Variants in PCDHGA8 observed in about 807,000 individuals in gnomAD.
The protein encoded by PCDHGA8 is protocadherin gamma subfamily A, 8.
A neutral mutation model predicts 59.2 loss-of-function variants in PCDHGA8; 45 were observed. That is an observed-to-expected ratio of 0.76 (90% CI 0.60 to 0.98). The LOEUF is 0.98. Among genes scored for constraint, PCDHGA8 ranks in the 50% least tolerant of loss-of-function variants. PCDHGA8 has a pLI of 0.00. For synonymous variants in PCDHGA8, 531 were observed against 519.0 expected, an observed-to-expected ratio of 1.02 and a Z score of -0.32; for missense variants, 1,257 against 1,196.2, an observed-to-expected ratio of 1.05 and a Z score of -0.75.
intron 1 of PCDHGA8, 53 bp downstream of exon 1, chr5:141,395,290 T>A: frequency 6.5e-7 from 1 of 1,529,840 alleles, no homozygotes; most frequent in Non-Finnish European, 8.8e-7. Flanking sequence ...TTATTTGGCA[T>A]AAATTATGTT....
chr5:141,464,843 A>G lies in PCDHGA8; in HGVS notation c.2425-29964A>G, dbSNP rs183890796. On this transcript the variant is annotated intron_variant, in intron 1 of 3. Coordinates refer to ENST00000398604, the MANE Select transcript of PCDHGA8 (RefSeq NM_032088.2). Reference sequence around the variant, plus strand: ...AGCCTCGCACTCCTGGGCTCAAGCAATCCTCCTACCTTAGCCTCCCAAGTA... The same window carrying G: ...AGCCTCGCACTCCTGGGCTCAAGCAGTCCTCCTACCTTAGCCTCCCAAGTA... 1.5e-3 allele frequency among the ~76,000 whole-genome samples: 231 copies of G among 152,234 alleles called. 1 individual carries two copies. Among genetic ancestry groups the G allele is most frequent in the Non-Finnish European group, 2.3e-3 (159 of 68,018 alleles).
At chr5:141,429,912 A>G (rs1341795921) in intron 1 of PCDHGA8, among the ~76,000 whole-genome samples, 2 of 152,234 alleles carry the variant, frequency 1.3e-5, no homozygotes, top group Admixed American at 1.3e-4. Flanking sequence ...TTGAAATATA[A>G]TGTATTAATA....
Position 141,433,020 on chromosome 5 carries a change from C to T in PCDHGA8, c.2424+37783C>T, listed in dbSNP as rs761127608. 1.1e-5 allele frequency: 17 copies of T among 1,614,152 alleles called. No individual in the cohort carries two copies. The South Asian group carries it at 1.9e-4, about 18-fold the overall frequency. On this transcript the variant is annotated intron_variant, in intron 1 of 3. Coordinates refer to ENST00000398604, the MANE Select transcript of PCDHGA8 (RefSeq NM_032088.2). ...GTGCAGGCTTTCCTGCAGACCTATTCCCACGAGGTTTCCCTCACCACGGAC... is the reference window on the plus strand; with the variant it reads ...GTGCAGGCTTTCCTGCAGACCTATTTCCACGAGGTTTCCCTCACCACGGAC...
chr5:141,400,445 A>G (rs779145110), intron 1 of PCDHGA8: 1 of 1,614,084 alleles, frequency 6.2e-7, no homozygotes, highest in Non-Finnish European at 8.5e-7. Flanking sequence ...AGTTCAGGAC[A>G]AGACATACTT....
chr5:141,499,888 A>G (rs574246186), intron 2 of PCDHGA8, among the ~76,000 whole-genome samples: 105 of 152,174 alleles, frequency 6.9e-4, no homozygotes, highest in African/African-American at 2.4e-3. Flanking sequence ...GGGTTTCGCC[A>G]TGTTGGCCAG....
At chr5:141,461,592 A>G (rs777372149) in intron 1 of PCDHGA8, among the ~76,000 whole-genome samples, 4 of 152,148 alleles carry the variant, frequency 2.6e-5, no homozygotes, top group African/African-American at 2.4e-5. Flanking sequence ...TTATATTTCC[A>G]TTATAATTTA....
intron 1 of PCDHGA8, among the ~76,000 whole-genome samples, chr5:141,443,577 G>A (rs567410923): frequency 1.3e-5 from 2 of 152,284 alleles, no homozygotes; most frequent in South Asian, 4.1e-4. Context: ...ATGGACTTGA[G>A]CTAAAACAGA....
intron 1 of PCDHGA8, chr5:141,421,788 G>T: frequency 6.2e-7 from 1 of 1,613,800 alleles, no homozygotes; most frequent in Non-Finnish European, 8.5e-7. Flanking sequence ...GGGGCAGAAC[G>T]GATGGGGCCA....
rs56854727 is a variant in PCDHGA8, at chr5:141,438,635, TACACACAC to T, written c.2424+43408_2424+43415del. ...ATATATATATATATATATATATATA[TACACACAC>T]ACACACACATATATGTATATATATA... On this transcript the variant is annotated intron_variant, in intron 1 of 3. Transcript: ENST00000398604. Among the ~76,000 whole-genome samples, 72 of 33,376 alleles carry T rather than the reference TACACACAC, an allele frequency of 2.2e-3. 1 individual carries two copies. Among genetic ancestry groups the T allele is most frequent in the Non-Finnish European group, 3.0e-3 (57 of 18,970 alleles). The allele number at this position is 33,376 out of a possible 152,430, so 21.9% of individuals were successfully genotyped here.
rs745405842 is a variant in PCDHGA8 at position 141,393,144 on chromosome 5, G to T, written c.331G>T (p.Glu111Ter). 1.2e-6 allele frequency: 2 copies of T among 1,613,316 alleles called. No individual in the cohort carries two copies. Among genetic ancestry groups the T allele is most frequent in the Non-Finnish European group, 1.7e-6 (2 of 1,179,886 alleles). Residue 111 changes from glutamate to a stop codon, truncating the protein, a stop_gained, in exon 1 of 4, where the codon GAG (glutamate) becomes TAG (stop). Transcript: ENST00000398604. LOFTEE classifies it high-confidence loss of function. ...RCLININTLV[E>*]DKGKLFGVEI... is the part of the protein sequence containing the mutation. ...TCTGATAAATATTAACACCCTGGTT[G>T]AGGATAAAGGAAAACTCTTTGGGGT...
At chr5:141,423,029 A>C (rs1049470142) in intron 1 of PCDHGA8, 1 of 1,614,218 alleles carries the variant, frequency 6.2e-7, no homozygotes, top group Non-Finnish European at 8.5e-7. Context: ...GATTCAGGCC[A>C]GAACGCCTGG....
At position 141,431,211 on chromosome 5, in the gene PCDHGA8, G is replaced by C. The variant is rs1054638121; in HGVS notation, c.2424+35974G>C. Reference sequence around the variant, plus strand: ...AGTGAAAATGCAGCCACTGAGATGCGGTTCCCTCTACCCCACGCCTGGGAT... The same window carrying C: ...AGTGAAAATGCAGCCACTGAGATGCCGTTCCCTCTACCCCACGCCTGGGAT... On this transcript the variant is annotated intron_variant, in intron 1 of 3. Coordinates refer to ENST00000398604, the MANE Select transcript of PCDHGA8 (RefSeq NM_032088.2). This position sits in a 1 kb window ranked among gnomAD's most constrained non-coding sequence, Gnocchi z 4.8. 1.2e-6 allele frequency: 2 copies of C among 1,614,122 alleles called. No individual in the cohort carries two copies. Among genetic ancestry groups the C allele is most frequent in the Non-Finnish European group, 1.7e-6 (2 of 1,180,036 alleles).
chr5:141,413,453 G>A lies in PCDHGA8; in HGVS notation c.2424+18216G>A, dbSNP rs761986113. 1.9e-5 allele frequency: 31 copies of A among 1,613,986 alleles called. 2 individuals carry two copies. In the South Asian group the frequency reaches 3.1e-4, roughly 16 times the overall value. On this transcript the variant is annotated intron_variant, in intron 1 of 3. Coordinates refer to ENST00000398604, the MANE Select transcript of PCDHGA8 (RefSeq NM_032088.2). ...AGCGGCAGCTTGATCACCGCGGGCA[G>A]GATAGACCGGGAGGAGCTCTGCGCT...
chr5:141,453,620 A>G (rs2098770145), intron 1 of PCDHGA8, among the ~76,000 whole-genome samples: 1 of 152,196 alleles, frequency 6.6e-6, no homozygotes. Context: ...CAAAAACAAA[A>G]CCTATACATA....
intron 1 of PCDHGA8, chr5:141,413,000 A>G: frequency 1.7e-6 from 1 of 587,734 alleles, no homozygotes; most frequent in Admixed American, 3.6e-5. Context: ...CCGGATTCTC[A>G]GGGCTTCAAC....
chr5:141,437,794 G>A (rs1162440523), intron 1 of PCDHGA8, among the ~76,000 whole-genome samples: 3 of 150,526 alleles, frequency 2.0e-5, no homozygotes, highest in Non-Finnish European at 4.4e-5. Flanking sequence ...CTGGAGTGCA[G>A]TGGCACTATC....
In PCDHGA8 at chr5:141,414,837, G is replaced by C. The variant is rs776651290; in HGVS notation, c.2424+19600G>C. On this transcript the variant is annotated intron_variant, in intron 1 of 3. Coordinates refer to ENST00000398604, the MANE Select transcript of PCDHGA8 (RefSeq NM_032088.2). ...TCAGCAGCAACGTGTCGTTGAGCCT[G>C]TTTGTGCTGGACCAGAACGACAATG... The C allele has an allele frequency of 2.4e-5, 38 of 1,614,232 alleles. No homozygotes were observed. In the Admixed American group the frequency reaches 5.8e-4, roughly 25 times the overall value.
At position 141,476,294 on chromosome 5, in the gene PCDHGA8, A is replaced by T. The variant is rs376905832; in HGVS notation, c.2425-18513A>T. On this transcript the variant is annotated intron_variant, in intron 1 of 3. Coordinates refer to ENST00000398604, the MANE Select transcript of PCDHGA8 (RefSeq NM_032088.2). The surrounding 1 kb of genome is among the most constrained non-coding windows in gnomAD (Gnocchi z 7.6). ...CGCGAACCTTGGTTTGGATCTCGGT[A>T]GCCTCTCAGCCCGCAGGTTCCGGGT... is the stretch of plus-strand genomic sequence containing the variant. 2 of 1,613,036 alleles carry T rather than the reference A, an allele frequency of 1.2e-6. No homozygotes were observed. The highest frequency in any genetic ancestry group is 1.7e-6 in the Non-Finnish European group (2 of 1,179,642).
At chr5:141,415,935 C>T (rs2095972319) in intron 1 of PCDHGA8, 1 of 601,888 alleles carries the variant, frequency 1.7e-6, no homozygotes, top group Non-Finnish European at 2.4e-6. Flanking sequence ...TTTATATTTC[C>T]TCCTGGGTGG....
Sources: allele counts gnomAD v4.1 joint callset (sites outside exome capture counted in the v4.1 genomes callset), GRCh38; gene constraint gnomAD v4.1.1; non-coding constraint Gnocchi (gnomAD v3.1); transcripts MANE v1.5; gene names NCBI Gene and HGNC (gene_info 2026-07-23, HGNC 2026-07-21).